Variants in RAB43 observed in about 807,000 individuals in gnomAD.
RAB43 encodes ras-related protein Rab-43.
Under a neutral mutation model 18.8 loss-of-function variants are expected in RAB43, and 6 were observed. The ratio of observed to expected loss-of-function variants is 0.32; its 90% CI spans 0.17 to 0.63. The LOEUF (loss-of-function observed/expected upper bound fraction) is 0.63. Ranked by LOEUF, RAB43 falls within the 30% of genes least tolerant of loss-of-function variation. The pLI, the probability that RAB43 is intolerant of heterozygous loss-of-function variation, is 0.79. For synonymous variants in RAB43, 103 were observed against 124.1 expected, an observed-to-expected ratio of 0.83 and a Z score of 1.13; for missense variants, 195 against 289.1, an observed-to-expected ratio of 0.67 and a Z score of 2.36.
At chr3:129,105,183 C>A (rs1934685316) in intron 1 of RAB43, among the ~76,000 whole-genome samples, 1 of 152,190 alleles carries the variant, frequency 6.6e-6, no homozygotes, top group African/African-American at 2.4e-5. Context: ...CTTCTGCCGG[C>A]CAAACAAAAC....
intron 1 of RAB43, among the ~76,000 whole-genome samples, chr3:129,108,868 C>T (rs546365529): frequency 2.6e-5 from 4 of 152,272 alleles, no homozygotes; most frequent in South Asian, 4.1e-4. Context: ...TAGTATGGAA[C>T]GTGGCACCGG....
chr3:129,093,518 G>A (rs1308897517), intron 2 of RAB43, among the ~76,000 whole-genome samples: 7 of 152,212 alleles, frequency 4.6e-5, no homozygotes, highest in Non-Finnish European at 7.3e-5. Flanking sequence ...GCTGAGGCAG[G>A]AGAATTGCTT....
chr3:129,112,630 T>C (rs889880318), intron 1 of RAB43, among the ~76,000 whole-genome samples: 2 of 152,182 alleles, frequency 1.3e-5, no homozygotes, highest in Non-Finnish European at 2.9e-5. Flanking sequence ...GTACACTTAC[T>C]CCAACAGCTG....
intron 1 of RAB43, among the ~76,000 whole-genome samples, chr3:129,096,424 C>A (rs940996012): frequency 1.3e-5 from 2 of 152,224 alleles, no homozygotes; most frequent in African/African-American, 2.4e-5. Context: ...ATAGTTCATG[C>A]GTCTTGCAGC....
chr3:129,119,295 T>C (rs1246698996), intron 1 of RAB43, among the ~76,000 whole-genome samples: 1 of 152,198 alleles, frequency 6.6e-6, no homozygotes, highest in Non-Finnish European at 1.5e-5. Flanking sequence ...CAGCTTTAAT[T>C]TGGAGCCTCT....
At chr3:129,121,082 C>CTA (rs1491425973) in intron 1 of RAB43, among the ~76,000 whole-genome samples, 1 of 43,342 alleles carries the variant, frequency 2.3e-5, no homozygotes, top group African/African-American at 7.4e-5. Context: ...CCCCCCCCCC[C>CTA]AGCAACCCAC....
intron 1 of RAB43, among the ~76,000 whole-genome samples, chr3:129,120,735 CAA>C (rs548901865): frequency 3.9e-5 from 6 of 152,314 alleles, no homozygotes; most frequent in Admixed American, 3.3e-4. Flanking sequence ...ACCAGGTCCA[CAA>C]AGAGACTGCA....
At chr3:129,100,522 C>G (rs1934351044) in intron 1 of RAB43, among the ~76,000 whole-genome samples, 1 of 152,196 alleles carries the variant, frequency 6.6e-6, no homozygotes, top group Non-Finnish European at 1.5e-5. Flanking sequence ...ACTCCTCAAA[C>G]CACACACAAG....
intron 1 of RAB43, among the ~76,000 whole-genome samples, chr3:129,118,466 C>G (rs978278168): frequency 6.6e-6 from 1 of 152,218 alleles, no homozygotes; most frequent in East Asian, 1.9e-4. Flanking sequence ...CTAGTTAAAG[C>G]CCTTCTGACC....
rs374997123 is a variant in RAB43, at chr3:129,099,520, G to A, written c.205-4351C>T. Among the ~76,000 whole-genome samples, 27 of 152,260 alleles carry A rather than the reference G, an allele frequency of 1.8e-4. 3 individuals are homozygous for A. Among genetic ancestry groups the A allele is most frequent in the Admixed American group, 5.9e-4 (9 of 15,292 alleles). ...TCCTGCCTCAGTCTCCTGAGTAGCT[G>A]GAATTATGGGCACGTGCCATCACAC... On this transcript the variant is annotated intron_variant, in intron 1 of 2. Coordinates refer to ENST00000315150, the MANE Select transcript of RAB43 (RefSeq NM_198490.3).
intron 1 of RAB43, among the ~76,000 whole-genome samples, chr3:129,100,518 C>T (rs1934350861): frequency 6.6e-6 from 1 of 152,210 alleles, no homozygotes; most frequent in South Asian, 2.1e-4. Context: ...AATGACTCCT[C>T]AAACCACACA....
At position 129,093,478 on chromosome 3, in the gene RAB43, T is replaced by C. The variant is rs564966469; in HGVS notation, c.388+1508A>G. Among the ~76,000 whole-genome samples, 90 of 152,198 alleles carry C rather than the reference T, an allele frequency of 5.9e-4. No homozygotes were observed. In the Middle Eastern group the frequency reaches 0.01, roughly 17 times the overall value. ...TACAAAAGTTAGCCAGGTGTGGTGG[T>C]GCGTGCCTGTAGTCCCAGCTACTCA... On this transcript the variant is annotated intron_variant, in intron 2 of 2. Transcript: ENST00000315150.
At chr3:129,112,170 A>G (rs1935214360) in intron 1 of RAB43, among the ~76,000 whole-genome samples, 2 of 152,018 alleles carry the variant, frequency 1.3e-5, no homozygotes, top group South Asian at 4.1e-4. Context: ...TGGGAGAATC[A>G]CCTGAGCCCA....
intron 1 of RAB43, among the ~76,000 whole-genome samples, chr3:129,115,606 G>A (rs1034483302): frequency 2.6e-5 from 4 of 152,102 alleles, no homozygotes; most frequent in African/African-American, 7.2e-5. Flanking sequence ...GATCACTTGA[G>A]GTCAGGAGTT....
intron 1 of RAB43, among the ~76,000 whole-genome samples, chr3:129,108,739 T>C (rs1377003368): frequency 6.6e-6 from 1 of 152,214 alleles, no homozygotes; most frequent in African/African-American, 2.4e-5. Flanking sequence ...TGGAAGGCCG[T>C]GGCTCTTAAG....
At chr3:129,109,409 C>CAA (rs750239114) in intron 1 of RAB43, among the ~76,000 whole-genome samples, 3 of 65,598 alleles carry the variant, frequency 4.6e-5, no homozygotes, top group Admixed American at 1.7e-4. Flanking sequence ...GACTCCGTCT[C>CAA]AAAAAAAAAA....
rs573304729 is a variant in RAB43, at chr3:129,116,572, C to G, written c.204+4714G>C. Among the ~76,000 whole-genome samples the G allele has an allele frequency of 2.0e-5, 3 of 152,282 alleles. No homozygotes were observed. The East Asian group carries it at 5.8e-4, about 29-fold the overall frequency. On this transcript the variant is annotated intron_variant, in intron 1 of 2. Transcript: ENST00000315150. Reference sequence around the variant, plus strand: ...ACCATTTCCTCTTATCCCGCCCTGCCCCCTCTTTTTGAAGTGCCAGGAGCA... The same window carrying G: ...ACCATTTCCTCTTATCCCGCCCTGCGCCCTCTTTTTGAAGTGCCAGGAGCA...
chr3:129,114,951 T>C (rs901678807), intron 1 of RAB43, among the ~76,000 whole-genome samples: 1 of 152,100 alleles, frequency 6.6e-6, no homozygotes, highest in Non-Finnish European at 1.5e-5. Flanking sequence ...GCAACTAGGC[T>C]GAGAAACCAA....
Position 129,091,307 on chromosome 3 carries a change from A to G in RAB43, c.428T>C (p.Leu143Ser). ...CTCAGCCAGGCTCTGTGCCTCAGCC[A>G]AGGAGACCTCCCGAAGCTCGCTGAG... Reference protein sequence around the residue: ...SDLSELREVSLAEAQSLAEHY... With the variant: ...SDLSELREVSSAEAQSLAEHY... The change falls in exon 3 of 3, where the codon TTG (leucine) becomes TCG (serine). Residue 143 changes from leucine (L) to serine (S), a missense_variant. By Grantham distance (145) the Leu-to-Ser change is moderately radical. Coordinates refer to ENST00000315150, the MANE Select transcript of RAB43 (RefSeq NM_198490.3). 1 of 1,599,558 alleles carries G rather than the reference A, an allele frequency of 6.3e-7. No individual in the cohort carries two copies. The highest frequency in any genetic ancestry group is 8.5e-7 in the Non-Finnish European group (1 of 1,173,032).
Sources: allele counts gnomAD v4.1 joint callset (sites outside exome capture counted in the v4.1 genomes callset), GRCh38; gene constraint gnomAD v4.1.1; transcripts MANE v1.5; gene names NCBI Gene and HGNC (gene_info 2026-07-23, HGNC 2026-07-21).